Variants in SOX5 observed in about 807,000 individuals in gnomAD.
SOX5 encodes the protein transcription factor SOX-5.
In SOX5, 9 loss-of-function variants were observed where a neutral mutation model predicts 92.0. The observed-to-expected ratio is 0.10, with a 90% CI of 0.06 to 0.17. The LOEUF (loss-of-function observed/expected upper bound fraction) is 0.17. Ranked by LOEUF, SOX5 falls within the 10% of genes least tolerant of loss-of-function variation. The pLI is 1.00. For missense variants in SOX5, 642 were observed against 944.5 expected, an observed-to-expected ratio of 0.68 and a Z score of 4.20; for synonymous variants, 344 against 336.3, an observed-to-expected ratio of 1.02 and a Z score of -0.25.
rs1206993952 is a variant in SOX5, at chr12:24,313,352, A to AC, written c.-173-36041dup. 4.6e-5 allele frequency among the ~76,000 whole-genome samples: 7 copies of AC among 152,090 alleles called. No homozygotes were observed. In the South Asian group the frequency reaches 1.5e-3, roughly 32 times the overall value. ...AGACTAACCTGGGCAACAGAGTGAGACCCCATCTCTATAAAAAAATAAAAA... is the reference window on the plus strand; with the variant it reads ...AGACTAACCTGGGCAACAGAGTGAGACCCCCATCTCTATAAAAAAATAAAAA... On this transcript the variant is annotated intron_variant, in intron 2 of 4. Coordinates refer to the SOX5 transcript ENST00000446891.
In SOX5 at chr12:24,438,980, T is replaced by C. The variant is rs117285209; in HGVS notation, c.-250-70341A>G. On this transcript the variant is annotated intron_variant, in intron 1 of 4. Transcript: ENST00000446891. ...GGTAAAATGCTGTCAAACAGCCTTG[T>C]CTCCTACAGAGAAATCTTTCAAGAA... Among the ~76,000 whole-genome samples the C allele has an allele frequency of 4.6e-3, 705 of 152,328 alleles. 10 individuals carry two copies. The East Asian group carries it at 0.051, about 11-fold the overall frequency.
intron 3 of SOX5, among the ~76,000 whole-genome samples, chr12:24,246,063 G>T (rs1938630096): frequency 6.6e-6 from 1 of 152,120 alleles, no homozygotes. Flanking sequence ...TATGGACAAA[G>T]TTCAGTCTTT....
chr12:24,078,890 G>A (rs1942982874), intron 4 of SOX5, among the ~76,000 whole-genome samples: 1 of 152,002 alleles, frequency 6.6e-6, no homozygotes, highest in Non-Finnish European at 1.5e-5. Context: ...AGCAATGAAA[G>A]AATGTTTTAT....
chr12:23,628,410 A>G (rs569295901), intron 8 of SOX5, among the ~76,000 whole-genome samples: 3 of 152,116 alleles, frequency 2.0e-5, no homozygotes, highest in African/African-American at 7.2e-5. Flanking sequence ...TTCACTCCAT[A>G]AAGGAAGTAA....
At chr12:23,870,790 C>T (rs1179305330) in intron 2 of SOX5, among the ~76,000 whole-genome samples, 3 of 152,138 alleles carry the variant, frequency 2.0e-5, no homozygotes, top group Non-Finnish European at 4.4e-5. Context: ...TATTTCTTAA[C>T]TAAAACTTCT....
chr12:23,694,407 T>C (rs1237360189), intron 6 of SOX5, among the ~76,000 whole-genome samples: 1 of 152,142 alleles, frequency 6.6e-6, no homozygotes, highest in Non-Finnish European at 1.5e-5. Flanking sequence ...TTCTGCCTCT[T>C]TTAACCTCAT....
At chr12:24,140,713 C>A (rs374562208) in intron 4 of SOX5, among the ~76,000 whole-genome samples, 3 of 152,078 alleles carry the variant, frequency 2.0e-5, no homozygotes, top group African/African-American at 7.2e-5. Flanking sequence ...TTTCTAACAA[C>A]GTATGTATTT....
chr12:23,922,128 G>A (rs532763985), intron 1 of SOX5, among the ~76,000 whole-genome samples: 11 of 152,140 alleles, frequency 7.2e-5, no homozygotes, highest in Non-Finnish European at 1.0e-4. Context: ...TAGTGTGTTC[G>A]TCCTTTAAAA....
intron 3 of SOX5, among the ~76,000 whole-genome samples, chr12:24,247,981 T>C (rs1326675527): frequency 6.6e-6 from 1 of 152,094 alleles, no homozygotes; most frequent in Non-Finnish European, 1.5e-5. Context: ...GGCTACTTTT[T>C]AAAAACACCA....
At chr12:23,961,379 G>T (rs765623097) in intron 4 of SOX5, among the ~76,000 whole-genome samples, 3 of 151,940 alleles carry the variant, frequency 2.0e-5, no homozygotes, top group Non-Finnish European at 4.4e-5. Context: ...CTCTGGCCTG[G>T]CCTCCTTACC....
At position 23,598,387 on chromosome 12, in the gene SOX5, C is replaced by CTTT. The variant is rs201719026; in HGVS notation, c.1164+5997_1164+5999dup. On this transcript the variant is annotated intron_variant, in intron 9 of 14. Transcript: ENST00000451604. ...GTCTCTTTGTTGTCTTGTGCTTTAT[C>CTTT]TTTTTTTTTTTTTTTTTTTTTTTTT... is the stretch of plus-strand genomic sequence containing the variant. Among the ~76,000 whole-genome samples, 123 of 95,148 alleles carry CTTT rather than the reference C, an allele frequency of 1.3e-3. 11 individuals are homozygous for CTTT. The highest frequency in any genetic ancestry group is 1.7e-3 in the Non-Finnish European group (86 of 49,854). 62.4% of individuals were successfully genotyped at this position (95,148 alleles called of 152,430 possible).
chr12:23,675,892 G>A (rs2085596539), intron 6 of SOX5, among the ~76,000 whole-genome samples: 1 of 152,078 alleles, frequency 6.6e-6, no homozygotes, highest in South Asian at 2.1e-4. Context: ...CAATAGGTAT[G>A]GTAATACCTA....
At chr12:23,616,550 A>G (rs537281269) in intron 8 of SOX5, among the ~76,000 whole-genome samples, 5 of 152,222 alleles carry the variant, frequency 3.3e-5, no homozygotes, top group Non-Finnish European at 7.3e-5. Context: ...ACATACACAT[A>G]ATCTGAGAGA....
chr12:23,910,294 C>A (rs901061295), intron 1 of SOX5, among the ~76,000 whole-genome samples: 2 of 151,976 alleles, frequency 1.3e-5, no homozygotes, highest in Non-Finnish European at 2.9e-5. Context: ...AGGGAGTTGG[C>A]TAAATGCATA....
intron 10 of SOX5, among the ~76,000 whole-genome samples, chr12:23,574,434 C>T (rs903528671): frequency 6.6e-6 from 1 of 152,172 alleles, no homozygotes; most frequent in Admixed American, 6.6e-5. Flanking sequence ...TTAATAGAGG[C>T]ATAATAATCC....
At chr12:24,083,462 C>T (rs968788716) in intron 4 of SOX5, among the ~76,000 whole-genome samples, 6 of 152,092 alleles carry the variant, frequency 3.9e-5, no homozygotes, top group African/African-American at 1.2e-4. Flanking sequence ...TTGTAGATGC[C>T]TTAATGCAGT....
intron 6 of SOX5, among the ~76,000 whole-genome samples, chr12:23,678,367 C>T (rs1426828526): frequency 6.6e-6 from 1 of 152,114 alleles, no homozygotes; most frequent in East Asian, 1.9e-4. Context: ...AACCTGCCTA[C>T]ACATAATGAC....
At chr12:23,566,505 G>A (rs1315982443) in intron 10 of SOX5, among the ~76,000 whole-genome samples, 1 of 152,140 alleles carries the variant, frequency 6.6e-6, no homozygotes, top group Admixed American at 6.5e-5. Context: ...CCTCCTCTGT[G>A]TTGGTATCCC....
chr12:23,762,373 C>T (rs2094584485), intron 3 of SOX5: 1 of 361,132 alleles, frequency 2.8e-6, no homozygotes, highest in South Asian at 1.3e-4. Flanking sequence ...ATAGCCACCA[C>T]ACTCCTGCCT....
Sources: gnomAD v4.1 joint callset for allele counts (sites outside exome capture counted in the v4.1 genomes callset) on GRCh38, gnomAD v4.1.1 for gene constraint, MANE v1.5 for transcripts, NCBI Gene and HGNC (gene_info 2026-07-23, HGNC 2026-07-21) for gene names.